The following AK5 variants were observed in gnomAD, a reference collection of about 807,000 sequenced individuals.
AK5 encodes the protein adenylate kinase isoenzyme 5.
In AK5, 27 loss-of-function variants were observed where a neutral mutation model predicts 69.5. The ratio of observed to expected loss-of-function variants is 0.39; its 90% CI spans 0.29 to 0.54. The LOEUF is 0.54. Ranked by LOEUF, AK5 falls within the 20% of genes least tolerant of loss-of-function variation. The probability of loss-of-function intolerance (pLI) is 0.71; values close to 1 mark genes in which losing one functional copy is unlikely to be tolerated. For synonymous variants in AK5, 260 were observed against 244.4 expected (o/e 1.06, Z -0.60); for missense variants, 531 against 700.4 (o/e 0.76, Z 2.73).
intron 5 of AK5, among the ~76,000 whole-genome samples, chr1:77,334,820 G>T (rs958583096): frequency 5.9e-5 from 9 of 152,128 alleles, no homozygotes; most frequent in Non-Finnish European, 8.8e-5. Flanking sequence ...CTGGGGGTGG[G>T]GTTTGGTGTG....
rs1364679384 is a variant in AK5, at chr1:77,539,363, G to C, written c.1620+3325G>C. Among the ~76,000 whole-genome samples the C allele has an allele frequency of 1.6e-4, 24 of 152,192 alleles. 1 individual carries two copies. Among genetic ancestry groups the C allele is most frequent in the Non-Finnish European group, 5.9e-5 (4 of 68,042 alleles). The stretch of plus-strand genomic sequence containing the variant: ...TGGGTGCGTGGTGAGGTAACATTAT[G>C]ATCCACTGCACAAATATGTAAAACC... On this transcript the variant is annotated intron_variant, in intron 13 of 13. Transcript: ENST00000354567.
chr1:77,301,355 A>G (rs1371402370), intron 5 of AK5, among the ~76,000 whole-genome samples: 1 of 152,236 alleles, frequency 6.6e-6, no homozygotes, highest in Non-Finnish European at 1.5e-5. Context: ...TGGAAGTGAC[A>G]TCCATCGCTT....
At chr1:77,520,398 C>T (rs1034114869) in intron 11 of AK5, among the ~76,000 whole-genome samples, 1 of 152,128 alleles carries the variant, frequency 6.6e-6, no homozygotes, top group Non-Finnish European at 1.5e-5. Flanking sequence ...AATGGCTGCC[C>T]GCCACACTTA....
intron 8 of AK5, among the ~76,000 whole-genome samples, chr1:77,450,826 A>G (rs1557602609): frequency 1.3e-5 from 2 of 152,250 alleles, no homozygotes; most frequent in African/African-American, 2.4e-5. Flanking sequence ...TCTTTCAAGC[A>G]TAATACTCTT....
chr1:77,338,090 G>A (rs1489327138), intron 5 of AK5, among the ~76,000 whole-genome samples: 1 of 151,274 alleles, frequency 6.6e-6, no homozygotes, highest in Admixed American at 6.6e-5. Flanking sequence ...TCTGTGTCCT[G>A]AGTAGCTGGG....
intron 6 of AK5, among the ~76,000 whole-genome samples, chr1:77,354,205 C>T (rs1158172177): frequency 6.6e-6 from 1 of 151,914 alleles, no homozygotes; most frequent in Non-Finnish European, 1.5e-5. Flanking sequence ...ATTCTAATTT[C>T]TTGTTGCTCT....
At chr1:77,532,812 G>A (rs936089336) in intron 12 of AK5, among the ~76,000 whole-genome samples, 3 of 152,130 alleles carry the variant, frequency 2.0e-5, no homozygotes, top group African/African-American at 7.2e-5. Context: ...TGATGTTGGG[G>A]GCAGGCCAAT....
At chr1:77,383,322 T>C (rs576183887) in intron 6 of AK5, among the ~76,000 whole-genome samples, 2 of 152,244 alleles carry the variant, frequency 1.3e-5, no homozygotes, top group South Asian at 4.1e-4. Flanking sequence ...TTATTAAGGA[T>C]TCCTGCCACT....
At chr1:77,350,993 A>C (rs1159348011) in intron 6 of AK5, among the ~76,000 whole-genome samples, 2 of 152,232 alleles carry the variant, frequency 1.3e-5, no homozygotes, top group Non-Finnish European at 2.9e-5. Context: ...ATTTATTTTC[A>C]TGGCAGACAG....
intron 8 of AK5, among the ~76,000 whole-genome samples, chr1:77,452,916 G>A (rs1653244345): frequency 6.6e-6 from 1 of 152,168 alleles, no homozygotes; most frequent in African/African-American, 2.4e-5. Flanking sequence ...AGGCAAATGT[G>A]TTTTTATTAA....
At chr1:77,485,812 G>A (rs753171111) in intron 9 of AK5, among the ~76,000 whole-genome samples, 4 of 152,134 alleles carry the variant, frequency 2.6e-5, no homozygotes, top group Admixed American at 1.3e-4. Flanking sequence ...ACATTACCGG[G>A]GTGGGGGAAT....
intron 8 of AK5, among the ~76,000 whole-genome samples, chr1:77,431,072 A>T (rs1328150160): frequency 2.6e-5 from 4 of 152,152 alleles, no homozygotes; most frequent in Non-Finnish European, 5.9e-5. Context: ...ATAGGATAGG[A>T]GGATGGGTTT....
At chr1:77,290,349 AGC>A (rs1658618354) in intron 2 of AK5, among the ~76,000 whole-genome samples, 1 of 152,232 alleles carries the variant, frequency 6.6e-6, no homozygotes, top group Admixed American at 6.5e-5. Flanking sequence ...AGTATCTTAA[AGC>A]ATACTGATTA....
At chr1:77,360,166 A>G (rs866047194) in intron 6 of AK5, among the ~76,000 whole-genome samples, 21 of 152,198 alleles carry the variant, frequency 1.4e-4, no homozygotes, top group African/African-American at 3.1e-4. Flanking sequence ...ATTAGAGTTG[A>G]ATAACATTGA....
intron 6 of AK5, among the ~76,000 whole-genome samples, chr1:77,377,498 C>T (rs1439252752): frequency 6.6e-6 from 1 of 152,188 alleles, no homozygotes; most frequent in Non-Finnish European, 1.5e-5. Context: ...TCCTCCCTCC[C>T]ATGCCATCTT....
intron 6 of AK5, among the ~76,000 whole-genome samples, chr1:77,363,698 T>C (rs1646903752): frequency 6.6e-6 from 1 of 152,132 alleles, no homozygotes; most frequent in Non-Finnish European, 1.5e-5. Context: ...TCAGGGCCTT[T>C]TGCTGTTTCC....
chr1:77,498,366 G>T (rs889020706), intron 10 of AK5, among the ~76,000 whole-genome samples: 1 of 152,174 alleles, frequency 6.6e-6, no homozygotes, highest in African/African-American at 2.4e-5. Flanking sequence ...GACTCTGAAA[G>T]AGTCTGAAAG....
At chr1:77,398,097 C>A (rs1285602594) in intron 6 of AK5, among the ~76,000 whole-genome samples, 1 of 151,828 alleles carries the variant, frequency 6.6e-6, no homozygotes, top group African/African-American at 2.4e-5. Flanking sequence ...CCATATTTGG[C>A]CATGGTAGTT....
intron 10 of AK5, among the ~76,000 whole-genome samples, chr1:77,516,847 A>G (rs1202860611): frequency 6.6e-6 from 1 of 152,096 alleles, no homozygotes; most frequent in Non-Finnish European, 1.5e-5. Flanking sequence ...AGGCGGGTGC[A>G]TCACTTGAAG....
Sources: gnomAD v4.1 joint callset for allele counts (sites outside exome capture counted in the v4.1 genomes callset) on GRCh38, gnomAD v4.1.1 for gene constraint, MANE v1.5 for transcripts, NCBI Gene and HGNC (gene_info 2026-07-23, HGNC 2026-07-21) for gene names.